The following PMPCA variants were observed in gnomAD, a reference collection of about 807,000 sequenced individuals.
The protein encoded by PMPCA is peptidase, mitochondrial processing subunit alpha, also known as mitochondrial-processing peptidase subunit alpha.
PMPCA carries 47 observed loss-of-function variants against 59.3 expected under a neutral mutation model. That is an observed-to-expected ratio of 0.79 (90% CI 0.63 to 1.01). The LOEUF (loss-of-function observed/expected upper bound fraction) is 1.01. PMPCA is among the 50% of genes least tolerant of loss of function. The probability of loss-of-function intolerance (pLI) is 0.00; values close to 1 mark genes in which losing one functional copy is unlikely to be tolerated. For synonymous variants in PMPCA, 338 were observed against 290.3 expected (o/e 1.16, Z -1.67); for missense variants, 726 against 704.5 (o/e 1.03, Z -0.34).
chr9:136,422,453 C>T (rs906737046), intron 12 of PMPCA: 57 of 1,078,816 alleles, frequency 5.3e-5, no homozygotes, highest in Non-Finnish European at 5.8e-5. Flanking sequence ...GTATGTGCAT[C>T]GGACTCTTCT....
intron 11 of PMPCA, chr9:136,419,690 C>T (rs1188450555): frequency 6.3e-6 from 1 of 157,800 alleles, no homozygotes; most frequent in East Asian, 1.9e-4. Context: ...TCAAGCGATT[C>T]TCCTGCTTCA....
chr9:136,421,143 C>T (rs1321079448), intron 11 of PMPCA, among the ~76,000 whole-genome samples: 1 of 152,242 alleles, frequency 6.6e-6, no homozygotes, highest in Non-Finnish European at 1.5e-5. Context: ...GCGCCGGAGG[C>T]GTCTGGGGAA....
intron 11 of PMPCA, 126 bp downstream of exon 11, chr9:136,419,232 G>C (rs757302206): frequency 1.1e-6 from 1 of 903,908 alleles, no homozygotes; most frequent in South Asian, 1.3e-5. Context: ...GGCAGGGCAG[G>C]GCAGGGCAGG....
intron 11 of PMPCA, 83 bp from the exon 12 acceptor site, chr9:136,421,749 A>T: frequency 7.7e-7 from 1 of 1,304,270 alleles, no homozygotes; most frequent in East Asian, 2.3e-5. Context: ...GGGCACAGAG[A>T]TGGCGTTTTG....
At chr9:136,411,975 T>A in intron 1 of PMPCA, 22 bp from the exon 2 acceptor site, 1 of 1,505,472 alleles carries the variant, frequency 6.6e-7, no homozygotes, top group Non-Finnish European at 9.2e-7. Flanking sequence ...CTGTTGTAAC[T>A]GGGCCGCTTT....
intron 12 of PMPCA, 35 bp from the exon 13 acceptor site, chr9:136,423,060 G>C: frequency 1.9e-6 from 3 of 1,582,864 alleles, no homozygotes; most frequent in Non-Finnish European, 2.6e-6. Flanking sequence ...GGGCCGTGGC[G>C]CGCTCGTGTG....
chr9:136,410,957 C>T (rs73566908), intron 1 of PMPCA, among the ~76,000 whole-genome samples: 3,872 of 152,330 alleles, frequency 0.025, 174 homozygotes, highest in African/African-American at 0.087. Context: ...GCTGCTGGGT[C>T]CTCTCCCCCC....
chr9:136,421,448 C>T (rs923537873), intron 11 of PMPCA, among the ~76,000 whole-genome samples: 4 of 133,602 alleles, frequency 3.0e-5, no homozygotes, highest in South Asian at 4.8e-4. Context: ...CTTGCTCTGT[C>T]GCCCAGGCTG....
At chr9:136,418,716 G>A (rs781223926) in intron 9 of PMPCA, 43 bp downstream of exon 9, 4 of 1,524,056 alleles carry the variant, frequency 2.6e-6, no homozygotes, top group Non-Finnish European at 2.7e-6. Flanking sequence ...ACCAGGCCAG[G>A]CCAGGTGTGT....
intron 8 of PMPCA, 98 bp downstream of exon 8, chr9:136,418,207 G>A: frequency 1.1e-6 from 1 of 896,336 alleles, no homozygotes; most frequent in Admixed American, 1.7e-5. Context: ...CGCTCCTGAT[G>A]GGGCGTGGGC....
chr9:136,415,923 G>T, intron 5 of PMPCA: 1 of 261,780 alleles, frequency 3.8e-6, no homozygotes, highest in Admixed American at 5.1e-5. Context: ...GTGAGCCACC[G>T]CACCCAGCGT....
chr9:136,416,211 G>C, intron 5 of PMPCA, 80 bp from the exon 6 acceptor site: 2 of 1,024,470 alleles, frequency 2.0e-6, no homozygotes, highest in Non-Finnish European at 3.0e-6. Context: ...ACTCAGGCCA[G>C]CACACAAGCT....
chr9:136,412,437 A>G, intron 2 of PMPCA, 53 bp from the exon 3 acceptor site: 1 of 916,046 alleles, frequency 1.1e-6, no homozygotes, highest in East Asian at 2.4e-5. Flanking sequence ...TCTCTTGATT[A>G]AATCTTATTT....
chr9:136,419,345 G>C, intron 11 of PMPCA: 1 of 597,960 alleles, frequency 1.7e-6, no homozygotes. Context: ...ACAGACCACC[G>C]CCCTCCCCCA....
rs1187348991 is a variant in PMPCA at position 136,416,584 on chromosome 9, T to G, written c.633+193T>G. On this transcript the variant is annotated intron_variant, in intron 6 of 12. Transcript: ENST00000371717. ...CTTGCACTCCTGGGCTCAGCTCAGGTGATCCTCCTGCCTCTGCCTCCCAAG... is the reference window on the plus strand; with the variant it reads ...CTTGCACTCCTGGGCTCAGCTCAGGGGATCCTCCTGCCTCTGCCTCCCAAG... 17 of 648,056 alleles carry G rather than the reference T, an allele frequency of 2.6e-5. No individual in the cohort carries two copies. In the Admixed American group the frequency reaches 3.8e-4, roughly 14 times the overall value. The allele number at this position is 648,056 out of a possible 1,614,324, so 40.1% of individuals were successfully genotyped here. A position where few individuals can be genotyped will look rare whatever the true frequency, so the allele number is the denominator to read the frequency against.
At chr9:136,416,255 T>C (rs1225438894) in intron 5 of PMPCA, 36 bp from the exon 6 acceptor site, 1 of 1,445,656 alleles carries the variant, frequency 6.9e-7, no homozygotes, top group Non-Finnish European at 9.7e-7. Context: ...TCTCTGCCTG[T>C]GCAGACTCAG....
At chr9:136,414,911 C>G (rs1018324177) in intron 5 of PMPCA, among the ~76,000 whole-genome samples, 4 of 152,050 alleles carry the variant, frequency 2.6e-5, no homozygotes, top group African/African-American at 4.8e-5. Flanking sequence ...CATGGTGAAA[C>G]CCTGTCTCTA....
chr9:136,418,986 C>T (rs1397609456), intron 10 of PMPCA, 58 bp from the exon 11 acceptor site: 45 of 1,597,378 alleles, frequency 2.8e-5, no homozygotes, highest in Non-Finnish European at 3.4e-5. Context: ...CCTGCCTAGA[C>T]GGGTCAGTAG....
chr9:136,420,529 C>T (rs1835419743), intron 11 of PMPCA: 1 of 152,196 alleles, frequency 6.6e-6, no homozygotes, highest in Non-Finnish European at 1.5e-5. Context: ...CCAGACCGGT[C>T]TTGAACTGCT....
Sources: gnomAD v4.1 joint callset for allele counts (sites outside exome capture counted in the v4.1 genomes callset) on GRCh38, gnomAD v4.1.1 for gene constraint, MANE v1.5 for transcripts, NCBI Gene and HGNC (gene_info 2026-07-23, HGNC 2026-07-21) for gene names.